SPC25: variants seen among roughly 807,000 people sequenced by gnomAD.
SPC25 encodes the protein SPC25 component of NDC80 kinetochore complex.
Under a neutral mutation model 29.6 loss-of-function variants are expected in SPC25, and 22 were observed. The ratio of observed to expected loss-of-function variants is 0.74; its 90% CI spans 0.53 to 1.06. The LOEUF is 1.06. SPC25 is among the 50% of genes least tolerant of loss of function. The pLI is 0.00. For missense variants in SPC25, 230 were observed against 255.8 expected (o/e 0.90, Z 0.69); for synonymous variants, 91 against 90.4 (o/e 1.01, Z -0.04).
At chr2:168,883,103 C>T (rs182525315) in intron 3 of SPC25, among the ~76,000 whole-genome samples, 5 of 151,686 alleles carry the variant, frequency 3.3e-5, no homozygotes, top group Admixed American at 6.6e-5. Context: ...TAATGAAAAA[C>T]TGAAAACATC....
chr2:168,877,252 G>A lies in SPC25; in HGVS notation c.332C>T (p.Ser111Phe), dbSNP rs1331455266. ...ANIQDLKEEY[S>F]RKKETISTAN... ...AGGAAACTTACTTTCCTTCTTCCTA[G>A]AATATTCTTCCTTAAGATCCTGGAT... Residue 111 changes from serine to phenylalanine, a missense_variant, in exon 4 of 7, where the codon TCT becomes TTT. Physicochemically the swap from Ser to Phe is radical, Grantham distance 155. Coordinates refer to ENST00000282074, the MANE Select transcript of SPC25 (RefSeq NM_020675.4). 1.2e-6 allele frequency: 2 copies of A among 1,613,088 alleles called. No individual in the cohort carries two copies. The highest frequency in any genetic ancestry group is 1.7e-6 in the Non-Finnish European group (2 of 1,179,660).
In SPC25 at chr2:168,877,485, A is replaced by T. The variant is rs1365077530; in HGVS notation, c.200-101T>A. The stretch of plus-strand genomic sequence containing the variant: ...TGACTTTCATAAAGATTAATAAAGA[A>T]TGTTTTGACTGATAAGCATTTTCTA... On this transcript the variant is annotated intron_variant, in intron 3 of 6. Transcript: ENST00000282074. 9.9e-6 allele frequency: 13 copies of T among 1,313,344 alleles called. No homozygotes were observed. The South Asian group carries it at 1.7e-4, about 17-fold the overall frequency. The allele number at this position is 1,313,344 out of a possible 1,614,324, so 81.4% of individuals were successfully genotyped here.
At chr2:168,876,197 A>G in intron 4 of SPC25, 21 bp from the exon 5 acceptor site, 1 of 1,451,720 alleles carries the variant, frequency 6.9e-7, no homozygotes, top group Non-Finnish European at 9.2e-7. Context: ...AACACACACA[A>G]TATTAAATGT....
intron 3 of SPC25, among the ~76,000 whole-genome samples, chr2:168,882,622 T>TAAATAAAC (rs1006389487): frequency 6.6e-6 from 1 of 151,006 alleles, no homozygotes. Context: ...AATAAATAAA[T>TAAATAAAC]AAACAGACAG....
chr2:168,861,923 T>TAACA (rs766168624), intron 4 of SPC25: 16 of 1,589,382 alleles, frequency 1.0e-5, no homozygotes, highest in Non-Finnish European at 1.4e-5. Context: ...ATTTGCCTGC[T>TAACA]AACACAGCAT....
intron 6 of SPC25, 101 bp from the exon 7 acceptor site, chr2:168,871,656 A>G (rs369089791): frequency 1.5e-5 from 16 of 1,095,236 alleles, no homozygotes; most frequent in African/African-American, 3.2e-5. Flanking sequence ...TTGAATGTCA[A>G]TTCCATCTTA....
chr2:168,889,853 T>C (rs1690360226), intron 1 of SPC25, among the ~76,000 whole-genome samples: 1 of 152,170 alleles, frequency 6.6e-6, no homozygotes, highest in South Asian at 2.1e-4. Flanking sequence ...GATCCAACTC[T>C]AACCCTTTCT....
downstream of SPC25, among the ~76,000 whole-genome samples, chr2:168,866,309 C>A (rs1039505978): frequency 1.2e-4 from 18 of 152,294 alleles, no homozygotes; most frequent in Non-Finnish European, 1.8e-4. Flanking sequence ...ACAGAGCCCT[C>A]AGAAATAATC....
At chr2:168,867,742 C>CTGAGTGACCTATAAAGAG (rs1426840633), downstream of SPC25, among the ~76,000 whole-genome samples, 2 of 150,474 alleles carry the variant, frequency 1.3e-5, no homozygotes, top group Admixed American at 6.6e-5. Flanking sequence ...AAAGCAAGTC[C>CTGAGTGACCTATAAAGAG]ACAATAATAA....
Position 168,862,870 on chromosome 2 carries a change from C to T in SPC25, n.419+10715G>A, listed in dbSNP as rs1008228157. 4.6e-5 allele frequency among the ~76,000 whole-genome samples: 7 copies of T among 152,148 alleles called. No homozygotes were observed. In the South Asian group the frequency reaches 6.2e-4, roughly 14 times the overall value. On this transcript the variant is annotated intron_variant and non_coding_transcript_variant, in intron 4 of 4. Coordinates refer to the SPC25 transcript ENST00000479309. ...GTTATGGGAGAAAGAATATTATCCACGACAAGGACATGGCTCCCAGAGCCA... is the reference window on the plus strand; with the variant it reads ...GTTATGGGAGAAAGAATATTATCCATGACAAGGACATGGCTCCCAGAGCCA...
intron 3 of SPC25, among the ~76,000 whole-genome samples, 192 bp downstream of exon 3, chr2:168,889,030 TATAC>T (rs57992655): frequency 0.047 from 1,285 of 27,452 alleles, 22 homozygotes; most frequent in African/African-American, 0.093. Flanking sequence ...TACACATATA[TATAC>T]ATATATATAT....
intron 3 of SPC25, 80 bp downstream of exon 3, chr2:168,889,146 T>C: frequency 8.1e-7 from 1 of 1,227,844 alleles, no homozygotes; most frequent in Non-Finnish European, 1.2e-6. Context: ...ACAAAATACA[T>C]TGTCTTACTT....
intron 3 of SPC25, among the ~76,000 whole-genome samples, chr2:168,881,159 C>A (rs1690172439): frequency 6.6e-6 from 1 of 152,164 alleles, no homozygotes; most frequent in Non-Finnish European, 1.5e-5. Flanking sequence ...TGGCCTTTTA[C>A]ATCTGTCTCA....
chr2:168,870,016 C>T (rs992294971), downstream of SPC25, among the ~76,000 whole-genome samples: 5 of 152,040 alleles, frequency 3.3e-5, no homozygotes, highest in South Asian at 2.1e-4. Context: ...GAGATATAGA[C>T]CAATGGAACA....
At chr2:168,862,778 A>T (rs894117627) in intron 4 of SPC25, among the ~76,000 whole-genome samples, 1 of 149,902 alleles carries the variant, frequency 6.7e-6, no homozygotes. Flanking sequence ...TCCAGTTAGA[A>T]ACCATGTTTG....
chr2:168,878,682 C>T (rs511778), intron 3 of SPC25, among the ~76,000 whole-genome samples: 30 of 152,088 alleles, frequency 2.0e-4, no homozygotes, highest in African/African-American at 6.8e-4. Flanking sequence ...GGTACTACAC[C>T]CCAAAAAAAT....
rs1184994712 is a variant in SPC25, at chr2:168,873,582, T to C, written c.550+3A>G. On this transcript the variant is annotated splice_donor_region_variant and intron_variant, in intron 6 of 6. Coordinates refer to ENST00000282074, the MANE Select transcript of SPC25 (RefSeq NM_020675.4). Reference sequence around the variant, plus strand: ...ATACCAGTTAGGAGATATTAGTACATACCTTCATAGTCCCTTGCTTCATTG... The same window carrying C: ...ATACCAGTTAGGAGATATTAGTACACACCTTCATAGTCCCTTGCTTCATTG... 2 of 1,597,350 alleles carry C rather than the reference T, an allele frequency of 1.3e-6. No individual in the cohort carries two copies. The highest frequency in any genetic ancestry group is 1.7e-6 in the Non-Finnish European group (2 of 1,165,760).
chr2:168,875,448 TA>T (rs1035898024), intron 5 of SPC25, among the ~76,000 whole-genome samples: 2 of 152,300 alleles, frequency 1.3e-5, no homozygotes, highest in African/African-American at 4.8e-5. Flanking sequence ...TGTTGTAAAT[TA>T]GGCACAGAAA....
downstream of SPC25, among the ~76,000 whole-genome samples, chr2:168,866,865 T>C (rs1689867213): frequency 6.6e-6 from 1 of 151,834 alleles, no homozygotes; most frequent in Non-Finnish European, 1.5e-5. Flanking sequence ...AAAAAACACA[T>C]GAAAAAATGC....
Sources: gnomAD v4.1 joint callset for allele counts (sites outside exome capture counted in the v4.1 genomes callset) on GRCh38, gnomAD v4.1.1 for gene constraint, MANE v1.5 for transcripts, NCBI Gene and HGNC (gene_info 2026-07-23, HGNC 2026-07-21) for gene names.